LINGO2: variants seen among roughly 807,000 people sequenced by gnomAD.
The protein encoded by LINGO2 is leucine rich repeat and Ig domain containing 2, also known as leucine-rich repeat and immunoglobulin-like domain-containing nogo receptor-interacting protein 2.
In LINGO2, 14 loss-of-function variants were observed where a neutral mutation model predicts 30.6. The ratio of observed to expected loss-of-function variants is 0.46; its 90% CI spans 0.30 to 0.72. The LOEUF is 0.72. Ranked by LOEUF, LINGO2 falls within the 30% of genes least tolerant of loss-of-function variation. The pLI is 0.07. For missense variants in LINGO2, 729 were observed against 751.7 expected (o/e 0.97, Z 0.35); for synonymous variants, 317 against 288.5 (o/e 1.10, Z -1.00).
the LINGO2 span, among the ~76,000 whole-genome samples, chr9:28,835,090 A>C: frequency 1.3e-5 from 2 of 152,188 alleles, no homozygotes; most frequent in Non-Finnish European, 2.9e-5. Context: ...GCTCTCCATG[A>C]GGAAGGAGGT....
the LINGO2 span, among the ~76,000 whole-genome samples, chr9:28,993,096 A>C: frequency 3.2e-4 from 49 of 152,266 alleles, no homozygotes; most frequent in African/African-American, 1.1e-3. Context: ...TTGAAAGGAT[A>C]AACAAAATTG....
At chr9:28,639,349 A>G (rs56324000) in intron 1 of LINGO2, among the ~76,000 whole-genome samples, 13,721 of 152,078 alleles carry the variant, frequency 0.09, 880 homozygotes, top group Admixed American at 0.22. Context: ...CTTGGTGTAG[A>G]GCTGAGTTCA....
chr9:28,565,090 G>A (rs112589796), intron 1 of LINGO2, among the ~76,000 whole-genome samples: 18 of 151,984 alleles, frequency 1.2e-4, no homozygotes, highest in African/African-American at 3.1e-4. Context: ...CCCTCCACCC[G>A]TATATATTCC....
intron 5 of LINGO2, among the ~76,000 whole-genome samples, chr9:27,974,638 C>T (rs967287349): frequency 6.6e-6 from 1 of 152,074 alleles, no homozygotes; most frequent in Non-Finnish European, 1.5e-5. Flanking sequence ...AGGACAAAAG[C>T]AGTCAGTAAT....
chr9:29,107,905 T>TAA, the LINGO2 span, among the ~76,000 whole-genome samples: 8,296 of 148,898 alleles, frequency 0.056, 331 homozygotes, highest in Admixed American at 0.073. Flanking sequence ...ACCTGAAAAT[T>TAA]AAAAAAAAAA....
intron 2 of LINGO2, among the ~76,000 whole-genome samples, chr9:28,408,210 T>C (rs934042412): frequency 3.3e-5 from 5 of 152,092 alleles, no homozygotes; most frequent in African/African-American, 1.2e-4. Flanking sequence ...AAATTTCAGC[T>C]TTTTCATGTG....
intron 5 of LINGO2, among the ~76,000 whole-genome samples, chr9:28,004,711 G>T (rs923340330): frequency 6.6e-6 from 1 of 152,112 alleles, no homozygotes; most frequent in African/African-American, 2.4e-5. Context: ...TGGAGTTCAA[G>T]AGAAAGCAAA....
chr9:28,464,938 A>G (rs1409314022), intron 2 of LINGO2, among the ~76,000 whole-genome samples: 1 of 152,234 alleles, frequency 6.6e-6, no homozygotes, highest in Non-Finnish European at 1.5e-5. Flanking sequence ...CTCAGCCCGC[A>G]GTGCTCAAAA....
At chr9:28,164,353 G>A (rs1047160885) in intron 4 of LINGO2, among the ~76,000 whole-genome samples, 13 of 152,166 alleles carry the variant, frequency 8.5e-5, no homozygotes, top group South Asian at 6.2e-4. Context: ...TAAATTTGTC[G>A]AATGTTACTA....
intron 5 of LINGO2, among the ~76,000 whole-genome samples, chr9:27,975,560 C>T (rs1468730523): frequency 1.3e-5 from 2 of 151,986 alleles, no homozygotes; most frequent in Non-Finnish European, 2.9e-5. Context: ...TAAGTTGGAT[C>T]CAGCACACAC....
At chr9:28,217,087 CATG>C (rs962733593) in intron 4 of LINGO2, among the ~76,000 whole-genome samples, 6 of 150,438 alleles carry the variant, frequency 4.0e-5, no homozygotes, top group Non-Finnish European at 8.9e-5. Flanking sequence ...TCAATAAATT[CATG>C]ATAAAATATA....
At chr9:28,717,305 T>G in the LINGO2 span, among the ~76,000 whole-genome samples, 2 of 150,920 alleles carry the variant, frequency 1.3e-5, no homozygotes, top group African/African-American at 4.9e-5. Context: ...CAAGATTTAT[T>G]TCCCATGGCC....
intron 4 of LINGO2, among the ~76,000 whole-genome samples, chr9:28,289,744 T>G (rs112657930): frequency 3.9e-5 from 6 of 152,328 alleles, no homozygotes; most frequent in African/African-American, 1.4e-4. Context: ...TCCCAATATT[T>G]AAATTGCTTA....
intron 4 of LINGO2, among the ~76,000 whole-genome samples, chr9:28,057,559 A>ATATATACATATATATACGCATATATG (rs1824987007): frequency 7.9e-6 from 1 of 126,168 alleles, no homozygotes; most frequent in Non-Finnish European, 1.7e-5. Flanking sequence ...ATAAGTATAT[A>ATATATACATATATATACGCATATATG]TATATACATA....
the LINGO2 span, among the ~76,000 whole-genome samples, chr9:29,022,684 TG>T: frequency 6.6e-6 from 1 of 152,212 alleles, no homozygotes; most frequent in Non-Finnish European, 1.5e-5. Context: ...ACTGACTTTT[TG>T]TAAGTATTGG....
At chr9:28,437,757 A>C (rs956122709) in intron 2 of LINGO2, among the ~76,000 whole-genome samples, 4 of 152,174 alleles carry the variant, frequency 2.6e-5, no homozygotes, top group African/African-American at 9.6e-5. Flanking sequence ...ATAGAAAGAT[A>C]GAGAACAATG....
chr9:28,995,994 C>A, the LINGO2 span, among the ~76,000 whole-genome samples: 1 of 147,790 alleles, frequency 6.8e-6, no homozygotes, highest in East Asian at 2.0e-4. Context: ...ACATTGTGCA[C>A]ATGTACCCTA....
chr9:28,551,275 C>T (rs910633786), intron 1 of LINGO2, among the ~76,000 whole-genome samples: 8 of 151,746 alleles, frequency 5.3e-5, no homozygotes, highest in African/African-American at 1.9e-4. Flanking sequence ...GAAAACTAGG[C>T]AAATAATCTA....
intron 1 of LINGO2, among the ~76,000 whole-genome samples, chr9:28,582,639 A>T (rs1227091074): frequency 1.3e-5 from 2 of 152,030 alleles, no homozygotes; most frequent in Admixed American, 1.3e-4. Context: ...TAATCTCTAA[A>T]TACTCCTGCT....
Sources: gnomAD v4.1 joint callset for allele counts (sites outside exome capture counted in the v4.1 genomes callset) on GRCh38, gnomAD v4.1.1 for gene constraint, MANE v1.5 for transcripts, NCBI Gene and HGNC (gene_info 2026-07-23, HGNC 2026-07-21) for gene names.